LRP1B: variants seen among roughly 807,000 people sequenced by gnomAD.
LRP1B encodes the protein low-density lipoprotein receptor-related protein 1B.
LRP1B carries 217 observed loss-of-function variants against 556.6 expected under a neutral mutation model. That is an observed-to-expected ratio of 0.39 (90% CI 0.35 to 0.44). The LOEUF (loss-of-function observed/expected upper bound fraction) is 0.44. Ranked by LOEUF, LRP1B falls within the 20% of genes least tolerant of loss-of-function variation. The probability of loss-of-function intolerance (pLI) is 1.00; values close to 1 mark genes in which losing one functional copy is unlikely to be tolerated. For missense variants in LRP1B, 5,053 were observed against 5,620.8 expected, an observed-to-expected ratio of 0.90 and a Z score of 3.23; for synonymous variants, 2,047 against 1,865.8, an observed-to-expected ratio of 1.10 and a Z score of -2.50.
At chr2:142,018,620 AC>A (rs986863998) in intron 1 of LRP1B, among the ~76,000 whole-genome samples, 20 of 152,110 alleles carry the variant, frequency 1.3e-4, no homozygotes, top group African/African-American at 4.1e-4. Context: ...TTCATTGAAA[AC>A]AATACATAAT....
Position 140,534,107 on chromosome 2 carries a change from C to T in LRP1B, c.7676G>A (p.Cys2559Tyr), listed in dbSNP as rs767084514. ...NRSCRRGFKP[C>Y]YNRRCIPHGK... is the part of the protein sequence containing the mutation. ...ATGAGGAATGCAGCGGCGATTATAG[C>T]ATGGCTTGAAGCCTCTTCGACAGCT... Residue 2559 changes from cysteine (C) to tyrosine (Y), a missense_variant, in exon 47 of 91, where the codon TGC becomes TAC. Transcript: ENST00000389484. 6.2e-7 allele frequency: 1 copy of T among 1,613,366 alleles called. No homozygotes were observed. The highest frequency in any genetic ancestry group is 1.1e-5 in the South Asian group (1 of 91,050).
intron 32 of LRP1B, among the ~76,000 whole-genome samples, chr2:140,797,239 C>T (rs1690348332): frequency 6.6e-6 from 1 of 151,896 alleles, no homozygotes; most frequent in African/African-American, 2.4e-5. Context: ...AATTCTTCCC[C>T]CCAAAACCCA....
At chr2:142,108,772 A>G (rs1706852213) in intron 1 of LRP1B, among the ~76,000 whole-genome samples, 1 of 152,156 alleles carries the variant, frequency 6.6e-6, no homozygotes, top group South Asian at 2.1e-4. Context: ...ATTAGTACAT[A>G]TTTACATAAG....
chr2:141,791,598 G>T (rs1380619386), intron 2 of LRP1B, among the ~76,000 whole-genome samples: 1 of 151,778 alleles, frequency 6.6e-6, no homozygotes, highest in East Asian at 1.9e-4. Context: ...TTTTAATTTG[G>T]CACATTTAGG....
intron 3 of LRP1B, among the ~76,000 whole-genome samples, chr2:141,359,996 G>C (rs1206244617): frequency 2.0e-5 from 3 of 152,056 alleles, no homozygotes; most frequent in Non-Finnish European, 2.9e-5. Context: ...TAGAAACAGG[G>C]AAGATAGATA....
chr2:141,519,402 T>TATATA (rs1559118193), intron 2 of LRP1B, among the ~76,000 whole-genome samples: 1 of 29,876 alleles, frequency 3.3e-5, no homozygotes, highest in Admixed American at 3.2e-4. Context: ...TATATATATA[T>TATATA]GAAATGCAAT....
At chr2:142,115,941 G>T (rs551196382) in intron 1 of LRP1B, among the ~76,000 whole-genome samples, 2 of 138,354 alleles carry the variant, frequency 1.4e-5, no homozygotes, top group Admixed American at 8.2e-5. Context: ...ATGCATCTGG[G>T]CACAGTAGCT....
chr2:141,871,912 AG>A (rs1247274828), intron 1 of LRP1B, among the ~76,000 whole-genome samples: 1 of 151,970 alleles, frequency 6.6e-6, no homozygotes, highest in Admixed American at 6.6e-5. Context: ...ATGTGTAACA[AG>A]GAGGAAATAT....
At chr2:140,848,278 G>A (rs1281223351) in intron 29 of LRP1B, among the ~76,000 whole-genome samples, 1 of 151,956 alleles carries the variant, frequency 6.6e-6, no homozygotes, top group Non-Finnish European at 1.5e-5. Context: ...ATTTGCCCCT[G>A]CCCTTGTAAA....
In LRP1B at chr2:140,321,986, G is replaced by A. The variant is rs1680163812; in HGVS notation, c.12617C>T (p.Thr4206Ile). Reference protein sequence around the residue: ...CPEGKYLINGTCNDDSLLDDS... With the variant: ...CPEGKYLINGICNDDSLLDDS... ...ACCTAACAGGCTGTCATCATTGCAG[G>A]TGCCATTAATCAAATATTTTCCTTC... Residue 4206 changes from threonine to isoleucine, a missense_variant, in exon 82 of 91, where the codon ACC (threonine) becomes ATC (isoleucine). This residue lies in a region of LRP1B where 551 missense variants were observed against 592.0 expected (regional missense o/e 0.93). Transcript: ENST00000389484. The A allele has an allele frequency of 1.2e-6, 2 of 1,612,820 alleles. No individual in the cohort carries two copies. Among genetic ancestry groups the A allele is most frequent in the South Asian group, 2.2e-5 (2 of 91,036 alleles).
intron 3 of LRP1B, among the ~76,000 whole-genome samples, chr2:141,262,869 T>G (rs1003874646): frequency 6.6e-6 from 1 of 152,026 alleles, no homozygotes; most frequent in Non-Finnish European, 1.5e-5. Flanking sequence ...TTTAGATTCC[T>G]TTAGATTCTA....
At chr2:140,664,919 T>C (rs1169471720) in intron 41 of LRP1B, among the ~76,000 whole-genome samples, 3 of 152,090 alleles carry the variant, frequency 2.0e-5, no homozygotes, top group Non-Finnish European at 4.4e-5. Context: ...AATGCAACAA[T>C]ATATTGTTTC....
chr2:141,783,555 A>G (rs1021302060), intron 2 of LRP1B, among the ~76,000 whole-genome samples: 2 of 151,740 alleles, frequency 1.3e-5, no homozygotes. Context: ...CTTGTATCTC[A>G]TTATTTTTCT....
intron 35 of LRP1B, among the ~76,000 whole-genome samples, chr2:140,754,949 A>C (rs1688695818): frequency 6.6e-6 from 1 of 152,030 alleles, no homozygotes; most frequent in East Asian, 1.9e-4. Flanking sequence ...TGGAGAAAAA[A>C]ATGAAATTAC....
At chr2:141,750,394 G>T (rs1378317948) in intron 2 of LRP1B, among the ~76,000 whole-genome samples, 2 of 152,062 alleles carry the variant, frequency 1.3e-5, no homozygotes, top group African/African-American at 4.8e-5. Flanking sequence ...TTCTCTGACT[G>T]AAGCTGGATA....
intron 18 of LRP1B, among the ~76,000 whole-genome samples, chr2:140,968,517 G>A (rs1215581309): frequency 3.0e-5 from 4 of 132,722 alleles, no homozygotes; most frequent in Non-Finnish European, 6.4e-5. Context: ...TTTTTTTTGT[G>A]TCTCTATCTC....
intron 20 of LRP1B, among the ~76,000 whole-genome samples, chr2:140,948,597 T>C (rs1695611994): frequency 1.3e-5 from 2 of 152,322 alleles, no homozygotes; most frequent in African/African-American, 2.4e-5. Flanking sequence ...TGAAGCAAAA[T>C]TGAATTCAAA....
At chr2:141,482,161 C>T (rs1378706551) in intron 2 of LRP1B, among the ~76,000 whole-genome samples, 1 of 151,810 alleles carries the variant, frequency 6.6e-6, no homozygotes, top group African/African-American at 2.4e-5. Context: ...AAATATCATA[C>T]AAGCAAAAAA....
At position 141,850,622 on chromosome 2, in the gene LRP1B, C is replaced by CTGTGTGTGTGTGTG. The variant is rs70994458; in HGVS notation, c.83-40235_83-40222dup. Among the ~76,000 whole-genome samples, 675 of 141,168 alleles carry CTGTGTGTGTGTGTG rather than the reference C, an allele frequency of 4.8e-3. 6 individuals are homozygous for CTGTGTGTGTGTGTG. The highest frequency in any genetic ancestry group is 6.6e-3 in the Non-Finnish European group (428 of 65,018). 92.6% of individuals were successfully genotyped at this position (141,168 alleles called of 152,430 possible). On this transcript the variant is annotated intron_variant, in intron 1 of 90. Coordinates refer to ENST00000389484, the MANE Select transcript of LRP1B (RefSeq NM_018557.3). ...ATATAGTTCTGCCCTAGCATAAACT[C>CTGTGTGTGTGTGTG]TGTGTGTGTGTGTGTGTGTGTGTGT...
Sources: gnomAD v4.1 joint callset for allele counts (sites outside exome capture counted in the v4.1 genomes callset) on GRCh38, gnomAD v4.1.1 for gene constraint, gnomAD v4.1.1 regional missense constraint, MANE v1.5 for transcripts, NCBI Gene and HGNC (gene_info 2026-07-23, HGNC 2026-07-21) for gene names.